The following ACKR2 variants were observed in gnomAD, a reference collection of about 807,000 sequenced individuals.
The protein encoded by ACKR2 is atypical chemokine receptor 2.
For synonymous variants in ACKR2, 207 were observed against 192.2 expected, an observed-to-expected ratio of 1.08 and a Z score of -0.64; for missense variants, 457 against 477.3, an observed-to-expected ratio of 0.96 and a Z score of 0.40.
At chr3:42,862,169 C>T (rs1475552387) in intron 2 of ACKR2, among the ~76,000 whole-genome samples, 1 of 152,226 alleles carries the variant, frequency 6.6e-6, no homozygotes, top group African/African-American at 2.4e-5. Flanking sequence ...AGCAAAGTCT[C>T]AGAATACAAA....
chr3:42,811,846 A>G (rs1439457725), intron 1 of ACKR2, among the ~76,000 whole-genome samples: 1 of 152,164 alleles, frequency 6.6e-6, no homozygotes, highest in Non-Finnish European at 1.5e-5. Context: ...GGTGGAGAGA[A>G]GCAAAAATCT....
chr3:42,813,281 T>G (rs1700713962), intron 1 of ACKR2, among the ~76,000 whole-genome samples: 1 of 152,196 alleles, frequency 6.6e-6, no homozygotes. Context: ...TAACTTAAAA[T>G]CTTGGTTCAG....
chr3:42,823,008 T>G (rs1486477461), intron 2 of ACKR2, among the ~76,000 whole-genome samples: 2 of 152,068 alleles, frequency 1.3e-5, no homozygotes, highest in Non-Finnish European at 2.9e-5. Context: ...GAGTCAATCA[T>G]TACGCTCACT....
rs1255885069 is a variant in ACKR2 at position 42,852,691 on chromosome 3, G to T, written c.-37-11775G>T. 2.0e-5 allele frequency among the ~76,000 whole-genome samples: 3 copies of T among 152,174 alleles called. No individual in the cohort carries two copies. The highest frequency in any genetic ancestry group is 7.2e-5 in the African/African-American group (3 of 41,426). On this transcript the variant is annotated intron_variant, in intron 2 of 2. Transcript: ENST00000422265. The surrounding 1 kb of genome is among the most constrained non-coding windows in gnomAD (Gnocchi z 4.3). Reference sequence around the variant, plus strand: ...TGTGTAATCTGGTGTACCAGACGTGGCTCTGGGCATGAAAACAGACAAACA... The same window carrying T: ...TGTGTAATCTGGTGTACCAGACGTGTCTCTGGGCATGAAAACAGACAAACA...
intron 2 of ACKR2, chr3:42,856,322 A>G (rs985396596): frequency 5.7e-6 from 4 of 699,098 alleles, no homozygotes; most frequent in Non-Finnish European, 1.0e-5. Context: ...AGGGTGGGGC[A>G]GAAGCTCACA....
chr3:42,856,540 G>GCTAA, intron 2 of ACKR2: 1 of 616,144 alleles, frequency 1.6e-6, no homozygotes, highest in South Asian at 2.0e-5. Flanking sequence ...TATGAAAAAA[G>GCTAA]CTAACATCCT....
At chr3:42,855,145 C>T (rs145639287) in intron 2 of ACKR2, among the ~76,000 whole-genome samples, 100 of 152,264 alleles carry the variant, frequency 6.6e-4, no homozygotes, top group Admixed American at 1.4e-3. Flanking sequence ...GCATGAGCCA[C>T]CACACCCAGC....
chr3:42,866,064 C>G lies in ACKR2; in HGVS notation c.*407C>G, dbSNP rs1317540834. On this transcript the variant is annotated 3_prime_UTR_variant, in exon 3 of 3. Transcript: ENST00000422265. ...AGATCTCCGCTCACTGTAGCCTCCTCCCCCTGGGTTGAAGCAATTCTCATG... is the reference window on the plus strand; with the variant it reads ...AGATCTCCGCTCACTGTAGCCTCCTGCCCCTGGGTTGAAGCAATTCTCATG... 2 of 171,174 alleles carry G rather than the reference C, an allele frequency of 1.2e-5. No homozygotes were observed. Among genetic ancestry groups the G allele is most frequent in the Admixed American group, 5.6e-5 (1 of 17,818 alleles). The allele number at this position is 171,174 out of a possible 1,614,324, so 10.6% of individuals were successfully genotyped here.
At chr3:42,834,782 T>C (rs954841066) in intron 2 of ACKR2, 40 of 152,292 alleles carry the variant, frequency 2.6e-4, no homozygotes, top group African/African-American at 9.6e-4. Flanking sequence ...TTTCACCATG[T>C]TGGCCAGGAT....
At chr3:42,834,393 A>T (rs1372072034) in intron 2 of ACKR2, among the ~76,000 whole-genome samples, 1 of 151,934 alleles carries the variant, frequency 6.6e-6, no homozygotes, top group East Asian at 1.9e-4. Context: ...TTCGGTAGGG[A>T]AGACAGGGTC....
At chr3:42,860,114 A>G (rs1182027679) in intron 2 of ACKR2, among the ~76,000 whole-genome samples, 1 of 148,084 alleles carries the variant, frequency 6.8e-6, no homozygotes, top group African/African-American at 2.5e-5. Context: ...AAAGACACAC[A>G]TAGGCTCAAA....
Position 42,865,511 on chromosome 3 carries a change from C to G in ACKR2, c.1009C>G (p.Pro337Ala). 6.2e-7 allele frequency: 1 copy of G among 1,614,172 alleles called. No homozygotes were observed. The highest frequency in any genetic ancestry group is 8.5e-7 in the Non-Finnish European group (1 of 1,180,040). Reference sequence around the variant, plus strand: ...TGCCGTGCTTGGATGGCACCTGGCACCTGGCACTGCCCAGGCCTCATTATC... The same window carrying G: ...TGCCGTGCTTGGATGGCACCTGGCAGCTGGCACTGCCCAGGCCTCATTATC... ...LAAVLGWHLA[P>A]GTAQASLSSC... The change falls in exon 3 of 3, where the codon CCT becomes GCT. Residue 337 changes from proline to alanine, a missense_variant. Coordinates refer to ENST00000422265, the MANE Select transcript of ACKR2 (RefSeq NM_001296.5).
chr3:42,825,732 A>G (rs1417026794), intron 2 of ACKR2, among the ~76,000 whole-genome samples: 6 of 151,998 alleles, frequency 3.9e-5, no homozygotes, highest in Non-Finnish European at 8.8e-5. Context: ...TCTGACTAGA[A>G]ATGCCAGTAC....
intron 2 of ACKR2, among the ~76,000 whole-genome samples, chr3:42,850,548 C>T (rs971823884): frequency 6.6e-6 from 1 of 152,184 alleles, no homozygotes; most frequent in Admixed American, 6.5e-5. Context: ...TCACCAAGCA[C>T]TTGCTGTGTG....
chr3:42,844,655 G>C (rs934866079), intron 2 of ACKR2, among the ~76,000 whole-genome samples: 3 of 152,220 alleles, frequency 2.0e-5, no homozygotes, highest in Admixed American at 6.5e-5. Flanking sequence ...AGCTCTGCCA[G>C]GGGATTCCAA....
intron 1 of ACKR2, among the ~76,000 whole-genome samples, chr3:42,817,284 C>T (rs568941647): frequency 5.9e-5 from 9 of 152,180 alleles, no homozygotes; most frequent in East Asian, 1.9e-4. Context: ...TTTTTTAGAC[C>T]GTGAAGTTTT....
rs376833790 is a variant in ACKR2 at position 42,860,189 on chromosome 3, A to AAAAAAAAAAAAAAAAAAAAAAAAC, written c.-37-4277_-37-4276insAAAAAAAAAAAAAAAAAAAAAAAC. Among the ~76,000 whole-genome samples the AAAAAAAAAAAAAAAAAAAAAAAAC allele has an allele frequency of 2.0e-4, 22 of 111,518 alleles. 3 individuals are homozygous for AAAAAAAAAAAAAAAAAAAAAAAAC. Among genetic ancestry groups the AAAAAAAAAAAAAAAAAAAAAAAAC allele is most frequent in the East Asian group, 1.1e-3 (3 of 2,682 alleles). 73.2% of individuals were successfully genotyped at this position (111,518 alleles called of 152,430 possible). On this transcript the variant is annotated intron_variant, in intron 2 of 2. Coordinates refer to ENST00000422265, the MANE Select transcript of ACKR2 (RefSeq NM_001296.5). ...CAAAAAAAAAAAAAAAAAAAAAAAA[A>AAAAAAAAAAAAAAAAAAAAAAAAC]GCAGGGGATGCAATCCTAGTCTCTG...
At chr3:42,845,930 C>G (rs774436272) in intron 2 of ACKR2, among the ~76,000 whole-genome samples, 4 of 150,832 alleles carry the variant, frequency 2.7e-5, no homozygotes, top group Non-Finnish European at 4.4e-5. Context: ...CAAAATGTAT[C>G]TGGGGAGAGG....
rs184076539 is a variant in ACKR2 at position 42,843,024 on chromosome 3, T to A, written c.-37-21442T>A. ...AAAAAGAAAGAAATCAGTTAATGAGTCATGTCTAGCTATTTATTTATTTAT... is the reference window on the plus strand; with the variant it reads ...AAAAAGAAAGAAATCAGTTAATGAGACATGTCTAGCTATTTATTTATTTAT... On this transcript the variant is annotated intron_variant, in intron 2 of 2. Transcript: ENST00000422265. 3.2e-3 allele frequency among the ~76,000 whole-genome samples: 469 copies of A among 147,504 alleles called. 4 individuals carry two copies. The highest frequency in any genetic ancestry group is 0.011 in the African/African-American group (453 of 39,690).
Sources: allele counts gnomAD v4.1 joint callset (sites outside exome capture counted in the v4.1 genomes callset), GRCh38; gene constraint gnomAD v4.1.1; non-coding constraint Gnocchi (gnomAD v3.1); transcripts MANE v1.5; gene names NCBI Gene and HGNC (gene_info 2026-07-23, HGNC 2026-07-21).